The following MRTFA variants were observed in gnomAD, a reference collection of about 807,000 sequenced individuals.
MRTFA encodes myocardin-related transcription factor A.
In MRTFA, 20 loss-of-function variants were observed where a neutral mutation model predicts 83.5. The observed-to-expected ratio is 0.24, with a 90% CI of 0.17 to 0.35. The LOEUF (loss-of-function observed/expected upper bound fraction) is 0.35. MRTFA is among the 10% of genes least tolerant of loss of function. MRTFA has a pLI of 1.00. For missense variants in MRTFA, 1,200 were observed against 1,224.7 expected, an observed-to-expected ratio of 0.98 and a Z score of 0.30; for synonymous variants, 659 against 541.2, an observed-to-expected ratio of 1.22 and a Z score of -3.02.
At chr22:40,450,113 C>T (rs962252846) in intron 4 of MRTFA, among the ~76,000 whole-genome samples, 3 of 152,160 alleles carry the variant, frequency 2.0e-5, no homozygotes, top group Non-Finnish European at 4.4e-5. Flanking sequence ...GATTCCATAT[C>T]CGGGTAGATC....
At chr22:40,590,266 G>T (rs1052262071) in intron 2 of MRTFA, among the ~76,000 whole-genome samples, 3 of 151,984 alleles carry the variant, frequency 2.0e-5, no homozygotes, top group African/African-American at 7.3e-5. Flanking sequence ...ATCACTAAGG[G>T]GAAAAGACAG....
chr22:40,552,370 G>A lies in MRTFA; in HGVS notation c.-21-3C>T, dbSNP rs766172840. On this transcript the variant is annotated splice_region_variant and splice_polypyrimidine_tract_variant and intron_variant, in intron 2 of 14. Transcript: ENST00000355630. The stretch of plus-strand genomic sequence containing the variant: ...ACTTTGGCTTTCGTGATGGCAATCT[G>A]GAAATGGAAGAAAAAATGGAAAGTT... The A allele has an allele frequency of 3.3e-5, 13 of 398,510 alleles. No individual in the cohort carries two copies. The highest frequency in any genetic ancestry group is 5.3e-5 in the Non-Finnish European group (12 of 225,946). The allele number at this position is 398,510 out of a possible 1,614,324, so 24.7% of individuals were successfully genotyped here.
In MRTFA at chr22:40,450,380, T is replaced by A. The variant is rs531063018; in HGVS notation, c.307+12841A>T. On this transcript the variant is annotated intron_variant, in intron 4 of 14. Transcript: ENST00000355630. Reference sequence around the variant, plus strand: ...GTACTGAAGCGCTTACAAATGACACTTCCACCACCTGATCTCACCAACTAT... The same window carrying A: ...GTACTGAAGCGCTTACAAATGACACATCCACCACCTGATCTCACCAACTAT... 6.6e-5 allele frequency among the ~76,000 whole-genome samples: 10 copies of A among 152,266 alleles called. No homozygotes were observed. The South Asian group carries it at 2.1e-3, about 32-fold the overall frequency.
At chr22:40,554,477 G>A (rs971107163) in intron 2 of MRTFA, among the ~76,000 whole-genome samples, 4 of 152,174 alleles carry the variant, frequency 2.6e-5, no homozygotes, top group African/African-American at 9.7e-5. Context: ...GGTTTTATAA[G>A]GGGCTTTTCC....
intron 2 of MRTFA, among the ~76,000 whole-genome samples, chr22:40,564,084 T>A (rs574137806): frequency 6.6e-6 from 1 of 152,212 alleles, no homozygotes; most frequent in African/African-American, 2.4e-5. Flanking sequence ...ACAGGATTTA[T>A]ATAAGATAGA....
intron 3 of MRTFA, among the ~76,000 whole-genome samples, chr22:40,517,052 A>T (rs894646527): frequency 6.6e-6 from 1 of 151,944 alleles, no homozygotes; most frequent in Non-Finnish European, 1.5e-5. Flanking sequence ...CCTCCCAAGC[A>T]GCTGGGACTA....
intron 3 of MRTFA, among the ~76,000 whole-genome samples, chr22:40,512,580 G>A (rs989762163): frequency 6.6e-6 from 1 of 152,214 alleles, no homozygotes; most frequent in East Asian, 1.9e-4. Context: ...GAGAGGTTGA[G>A]AGCTTTCGAA....
chr22:40,439,205 A>G (rs1041512517), intron 4 of MRTFA, among the ~76,000 whole-genome samples: 1 of 152,182 alleles, frequency 6.6e-6, no homozygotes, highest in Non-Finnish European at 1.5e-5. Flanking sequence ...AACTTCTTCA[A>G]AAGTTAGAGA....
At chr22:40,633,359 G>C (rs1361699800) in intron 1 of MRTFA, among the ~76,000 whole-genome samples, 1 of 152,100 alleles carries the variant, frequency 6.6e-6, no homozygotes, top group East Asian at 1.9e-4. Flanking sequence ...CTCACCCCTG[G>C]GGAGCTTACA....
rs112101641 is a variant in MRTFA, at chr22:40,500,317, C to CTT, written c.242-37033_242-37032dup. 5.2e-3 allele frequency among the ~76,000 whole-genome samples: 704 copies of CTT among 134,326 alleles called. 8 individuals carry two copies. The highest frequency in any genetic ancestry group is 0.018 in the African/African-American group (659 of 36,750). The allele number at this position is 134,326 out of a possible 152,430, so 88.1% of individuals were successfully genotyped here. A position where few individuals can be genotyped will look rare whatever the true frequency, so the allele number is the denominator to read the frequency against. ...TAATAACATACTTTCATATTGCTTT[C>CTT]TTTTTTTTTGTTACAGTTTTTATTT... On this transcript the variant is annotated intron_variant, in intron 3 of 14. Transcript: ENST00000355630.
At chr22:40,533,544 T>C (rs2055118342) in intron 3 of MRTFA, 6 of 1,136,086 alleles carry the variant, frequency 5.3e-6, no homozygotes, top group Non-Finnish European at 6.7e-6. Flanking sequence ...ATAAGATTTG[T>C]AGGAAATTAT....
At chr22:40,454,793 A>G (rs953798045) in intron 4 of MRTFA, among the ~76,000 whole-genome samples, 4 of 152,134 alleles carry the variant, frequency 2.6e-5, no homozygotes, top group African/African-American at 7.2e-5. Flanking sequence ...ATGTATGTAT[A>G]TATTTGTGTA....
At chr22:40,458,998 C>T (rs955385302) in intron 4 of MRTFA, among the ~76,000 whole-genome samples, 18 of 151,598 alleles carry the variant, frequency 1.2e-4, no homozygotes, top group Admixed American at 2.0e-4. Flanking sequence ...TTGCTTGAAC[C>T]CAGGAGGCAG....
At chr22:40,450,444 T>C (rs2053466052) in intron 4 of MRTFA, among the ~76,000 whole-genome samples, 1 of 152,088 alleles carries the variant, frequency 6.6e-6, no homozygotes, top group Non-Finnish European at 1.5e-5. Context: ...TTCTTTTTTT[T>C]TTTAATAGTG....
chr22:40,621,607 G>C (rs1434573024), intron 1 of MRTFA, among the ~76,000 whole-genome samples: 1 of 152,122 alleles, frequency 6.6e-6, no homozygotes, highest in African/African-American at 2.4e-5. Flanking sequence ...AAATGGTTAC[G>C]ATGGTAAATT....
chr22:40,469,175 T>C (rs1010639245), intron 3 of MRTFA, among the ~76,000 whole-genome samples: 11 of 152,344 alleles, frequency 7.2e-5, no homozygotes, highest in East Asian at 1.9e-4. Context: ...AGTAAGGATA[T>C]TGAAACAGTT....
chr22:40,583,494 A>G (rs1424933873), intron 2 of MRTFA, among the ~76,000 whole-genome samples: 2 of 152,226 alleles, frequency 1.3e-5, no homozygotes, highest in African/African-American at 4.8e-5. Context: ...CAATTCAAGG[A>G]AAGCACAGTA....
intron 14 of MRTFA, 131 bp from the exon 15 acceptor site, chr22:40,412,038 T>C (rs1322475807): frequency 1.4e-6 from 1 of 714,862 alleles, no homozygotes; most frequent in African/African-American, 1.8e-5. Context: ...CTTACTTAAA[T>C]GTAAGAGCTA....
intron 3 of MRTFA, among the ~76,000 whole-genome samples, chr22:40,529,960 T>C: frequency 6.6e-6 from 1 of 152,278 alleles, no homozygotes; most frequent in South Asian, 2.1e-4. Flanking sequence ...TGGGTGTGCA[T>C]ACATACATGC....
Sources: allele counts gnomAD v4.1 joint callset (sites outside exome capture counted in the v4.1 genomes callset), GRCh38; gene constraint gnomAD v4.1.1; transcripts MANE v1.5; gene names NCBI Gene and HGNC (gene_info 2026-07-23, HGNC 2026-07-21).